The following SYNE1 variants were observed in gnomAD, a reference collection of about 807,000 sequenced individuals.
SYNE1 encodes spectrin repeat containing nuclear envelope protein 1, also known as nesprin-1.
In SYNE1, 616 loss-of-function variants were observed where a neutral mutation model predicts 1,111.0. The ratio of observed to expected loss-of-function variants is 0.55; its 90% confidence interval spans 0.52 to 0.59. The LOEUF is 0.59. Among genes scored for constraint, SYNE1 ranks in the 20% least tolerant of loss-of-function variants. The pLI is 0.00. For synonymous variants in SYNE1, 3,855 were observed against 3,825.8 expected, an observed-to-expected ratio of 1.01 and a Z score of -0.28; for missense variants, 10,006 against 10,417.0, an observed-to-expected ratio of 0.96 and a Z score of 1.72.
At position 152,132,261 on chromosome 6, in the gene SYNE1, TG is replaced by T. The variant is rs765847111; in HGVS notation, c.26002-48del. 14 of 1,537,000 alleles carry T rather than the reference TG, an allele frequency of 9.1e-6. 1 individual carries two copies. In the South Asian group the frequency reaches 1.6e-4, roughly 17 times the overall value. ...TTAACAACTCCATGTCCCAGACCCA[TG>T]GGGGCCCTCTGTTGCACCACGTTAT... On this transcript the variant is annotated intron_variant, in intron 143 of 145. Transcript: ENST00000367255.
chr6:152,218,217 G>C, intron 121 of SYNE1, 40 bp downstream of exon 121: 1 of 1,611,300 alleles, frequency 6.2e-7, no homozygotes, highest in South Asian at 1.1e-5. Context: ...TTTGAAGACA[G>C]ATGGTAAAAG....
At position 152,398,741 on chromosome 6, in the gene SYNE1, G is replaced by GA. The variant is rs761200950; in HGVS notation, c.7238-11dup. On this transcript the variant is annotated splice_polypyrimidine_tract_variant and intron_variant, in intron 48 of 145. Coordinates refer to ENST00000367255, the MANE Select transcript of SYNE1 (RefSeq NM_182961.4). ...AATTCCTGCATAGACTCTTTTGAAA[G>GA]AAAAAATAAATAAATAAAAATAAAA... is the stretch of plus-strand genomic sequence containing the variant. 2.5e-6 allele frequency: 4 copies of GA among 1,598,612 alleles called. No individual in the cohort carries two copies. The highest frequency in any genetic ancestry group is 2.2e-5 in the East Asian group (1 of 44,708).
At chr6:152,596,203 C>T in intron 3 of SYNE1, among the ~76,000 whole-genome samples, 1 of 139,774 alleles carries the variant, frequency 7.2e-6, no homozygotes, top group East Asian at 2.2e-4. Context: ...GCCAATTTTA[C>T]ATTATGAGGT....
chr6:152,128,330 A>C (rs1348152436), intron 145 of SYNE1: 4 of 152,174 alleles, frequency 2.6e-5, no homozygotes, highest in African/African-American at 9.7e-5. Flanking sequence ...AGTTCTAGGG[A>C]GCTCCCTGTA....
chr6:152,269,314 C>T, intron 98 of SYNE1, 28 bp from the exon 99 acceptor site: 9 of 1,613,754 alleles, frequency 5.6e-6, no homozygotes, highest in Non-Finnish European at 7.6e-6. Flanking sequence ...GAAATCAAGT[C>T]ATGCTACACA....
At position 152,331,865 on chromosome 6, in the gene SYNE1, G is replaced by T. The variant is rs2096254107; in HGVS notation, c.12820C>A (p.His4274Asn). 18 of 1,612,898 alleles carry T rather than the reference G, an allele frequency of 1.1e-5. No individual in the cohort carries two copies. The highest frequency in any genetic ancestry group is 1.4e-5 in the Non-Finnish European group (17 of 1,180,014). ...GCTAACTTTTTCAAAGCTTCCAGGT[G>T]GACAGCTGTACTCTCTGCATCAGAT... ...ARSDAESTAV[H>N]LEALKKLALA... The change falls in exon 78 of 146, where the codon CAC (histidine) becomes AAC (asparagine). Residue 4274 changes from histidine (H) to asparagine (N), a missense_variant. Transcript: ENST00000367255.
chr6:152,364,675 G>A (rs1188692575), intron 63 of SYNE1, among the ~76,000 whole-genome samples, 172 bp downstream of exon 63: 1 of 133,256 alleles, frequency 7.5e-6, no homozygotes, highest in Non-Finnish European at 1.6e-5. Flanking sequence ...AGGGAAGGAG[G>A]AAGGAGGAAG....
chr6:152,293,214 A>G (rs1294567790), intron 95 of SYNE1, among the ~76,000 whole-genome samples: 1 of 152,232 alleles, frequency 6.6e-6, no homozygotes, highest in African/African-American at 2.4e-5. Context: ...TATCGAGAAA[A>G]GGTAGATTTG....
At chr6:152,450,425 A>C (rs2098638063) in intron 27 of SYNE1, among the ~76,000 whole-genome samples, 200 bp downstream of exon 27, 1 of 152,232 alleles carries the variant, frequency 6.6e-6, no homozygotes, top group Non-Finnish European at 1.5e-5. Flanking sequence ...TGCCTCAAAG[A>C]GATAACATCT....
intron 130 of SYNE1, among the ~76,000 whole-genome samples, chr6:152,168,759 G>A (rs1427085592): frequency 6.6e-6 from 1 of 152,098 alleles, no homozygotes; most frequent in Non-Finnish European, 1.5e-5. Flanking sequence ...GAAAGTACAT[G>A]CTCTTTATCT....
At chr6:152,191,138 A>G (rs1162352050) in intron 127 of SYNE1, among the ~76,000 whole-genome samples, 3 of 152,170 alleles carry the variant, frequency 2.0e-5, no homozygotes, top group African/African-American at 4.8e-5. Flanking sequence ...GTCATGATGA[A>G]TGATCTTTTT....
Position 152,511,609 on chromosome 6 carries a change from G to T in SYNE1, c.310-506C>A, listed in dbSNP as rs547471028. On this transcript the variant is annotated intron_variant, in intron 6 of 145. Coordinates refer to ENST00000367255, the MANE Select transcript of SYNE1 (RefSeq NM_182961.4). The stretch of plus-strand genomic sequence containing the variant: ...TGCATGGACTGACATGAAAAACAAA[G>T]GGAGAAGATAATAGATATACATAAA... 9.1e-5 allele frequency: 146 copies of T among 1,611,238 alleles called. No individual in the cohort carries two copies. The South Asian group carries it at 1.5e-3, about 17-fold the overall frequency.
chr6:152,486,194 T>C (rs1419426110), intron 12 of SYNE1, among the ~76,000 whole-genome samples: 1 of 142,078 alleles, frequency 7.0e-6, no homozygotes, highest in Non-Finnish European at 1.6e-5. Context: ...AGTGACACTC[T>C]GACTAAAAAA....
At chr6:152,275,476 C>T (rs2093550769) in intron 98 of SYNE1, among the ~76,000 whole-genome samples, 1 of 152,102 alleles carries the variant, frequency 6.6e-6, no homozygotes, top group Non-Finnish European at 1.5e-5. Flanking sequence ...TTATCAAATT[C>T]CTTTACATAC....
intron 66 of SYNE1, among the ~76,000 whole-genome samples, chr6:152,356,213 C>G (rs550440838): frequency 6.6e-6 from 1 of 151,532 alleles, no homozygotes; most frequent in African/African-American, 2.4e-5. Flanking sequence ...AAACCACAGA[C>G]GATACATAAA....
intron 124 of SYNE1, among the ~76,000 whole-genome samples, chr6:152,210,852 G>C (rs1222424780): frequency 6.6e-6 from 1 of 151,780 alleles, no homozygotes; most frequent in Non-Finnish European, 1.5e-5. Flanking sequence ...TTTTAATAAA[G>C]AGATAATTTG....
rs149542893 is a variant in SYNE1, at chr6:152,553,028, T to A, written c.68-13007A>T. ...TACTTTTAATAATAATAGAAATCTA[T>A]CTTCTATTTAGAATGTATGTGGCAG... On this transcript the variant is annotated intron_variant, in intron 3 of 145. Transcript: ENST00000367255. Among the ~76,000 whole-genome samples the A allele has an allele frequency of 5.1e-3, 777 of 152,326 alleles. 8 individuals carry two copies. The highest frequency in any genetic ancestry group is 0.018 in the African/African-American group (732 of 41,566).
chr6:152,527,284 G>A (rs1564647659), intron 4 of SYNE1, among the ~76,000 whole-genome samples: 1 of 152,142 alleles, frequency 6.6e-6, no homozygotes, highest in Non-Finnish European at 1.5e-5. Flanking sequence ...GAATTATAAT[G>A]TCTGAATAGT....
intron 4 of SYNE1, among the ~76,000 whole-genome samples, chr6:152,530,236 T>G: frequency 6.6e-6 from 1 of 152,216 alleles, no homozygotes; most frequent in Non-Finnish European, 1.5e-5. Flanking sequence ...TTGAGACAAC[T>G]AGTAGCCTTT....
Sources: allele counts gnomAD v4.1 joint callset (sites outside exome capture counted in the v4.1 genomes callset), GRCh38; gene constraint gnomAD v4.1.1; transcripts MANE v1.5; gene names NCBI Gene and HGNC (gene_info 2026-07-23, HGNC 2026-07-21).